AKAP19: variants seen among roughly 807,000 people sequenced by gnomAD.
AKAP19 encodes the protein A-kinase anchoring protein 19, also known as small A-kinase anchoring protein.
chr2:190,144,186 G>GAAAAGA, the AKAP19 span, among the ~76,000 whole-genome samples: 43 of 145,406 alleles, frequency 3.0e-4, no homozygotes, highest in Non-Finnish European at 4.8e-4. Flanking sequence ...GAAAAGAAAA[G>GAAAAGA]AAAAAAAATA....
chr2:190,032,458 A>G, the AKAP19 span, among the ~76,000 whole-genome samples: 2 of 152,130 alleles, frequency 1.3e-5, no homozygotes, highest in Non-Finnish European at 2.9e-5. Flanking sequence ...TATAGTTCCT[A>G]TTTGACACAT....
the AKAP19 span, among the ~76,000 whole-genome samples, chr2:190,094,356 G>T: frequency 6.6e-6 from 1 of 152,158 alleles, no homozygotes; most frequent in Non-Finnish European, 1.5e-5. Flanking sequence ...AGTCCTATGA[G>T]GCTGATACTG....
chr2:189,935,711 G>T, the AKAP19 span, among the ~76,000 whole-genome samples: 8 of 152,014 alleles, frequency 5.3e-5, no homozygotes, highest in Non-Finnish European at 7.4e-5. Context: ...CATGATTTTT[G>T]CATGAAGAGA....
chr2:190,180,431 AG>A, the AKAP19 span: 1 of 977,200 alleles, frequency 1.0e-6, no homozygotes, highest in South Asian at 4.7e-5. This position sits in a 1 kb window ranked among gnomAD's most constrained non-coding sequence, Gnocchi z 6.8. Flanking sequence ...TTCGCAGCCC[AG>A]GGGGCCGAGA....
At chr2:190,123,629 C>T in the AKAP19 span, among the ~76,000 whole-genome samples, 3 of 152,280 alleles carry the variant, frequency 2.0e-5, no homozygotes, top group East Asian at 3.9e-4. Flanking sequence ...CTTCTCTGAT[C>T]GCTCAGGATT....
At chr2:189,996,909 G>A in the AKAP19 span, among the ~76,000 whole-genome samples, 1 of 152,162 alleles carries the variant, frequency 6.6e-6, no homozygotes, top group East Asian at 1.9e-4. Context: ...CTGGGCTGGT[G>A]TTGGGGAATG....
chr2:190,015,016 T>C, the AKAP19 span, among the ~76,000 whole-genome samples: 1 of 152,162 alleles, frequency 6.6e-6, no homozygotes, highest in Admixed American at 6.5e-5. Flanking sequence ...CCCAGCTGCT[T>C]TCACAGGCTG....
At chr2:189,988,133 C>A in the AKAP19 span, among the ~76,000 whole-genome samples, 1 of 151,956 alleles carries the variant, frequency 6.6e-6, no homozygotes, top group Non-Finnish European at 1.5e-5. Context: ...GTTGGCAGGT[C>A]CAGGTGGGGC....
chr2:190,145,920 G>C, the AKAP19 span, among the ~76,000 whole-genome samples: 4 of 149,262 alleles, frequency 2.7e-5, no homozygotes, highest in African/African-American at 4.9e-5. Flanking sequence ...AAAGGTAAAT[G>C]CATCTGAAAT....
At chr2:190,160,830 C>T in the AKAP19 span, among the ~76,000 whole-genome samples, 4 of 152,020 alleles carry the variant, frequency 2.6e-5, no homozygotes, top group Admixed American at 2.0e-4. Flanking sequence ...ATAAGAATTG[C>T]ATGGATAAGT....
At chr2:190,004,662 A>C in the AKAP19 span, among the ~76,000 whole-genome samples, 1 of 151,262 alleles carries the variant, frequency 6.6e-6, no homozygotes, top group Non-Finnish European at 1.5e-5. Context: ...ATCTATCATT[A>C]TAATCATTTT....
chr2:190,118,648 C>T, the AKAP19 span, among the ~76,000 whole-genome samples: 1 of 152,158 alleles, frequency 6.6e-6, no homozygotes, highest in African/African-American at 2.4e-5. Context: ...GCAGAAAAGG[C>T]CTGTGACAAA....
At chr2:189,975,764 G>C in the AKAP19 span, among the ~76,000 whole-genome samples, 4 of 152,012 alleles carry the variant, frequency 2.6e-5, no homozygotes, top group Non-Finnish European at 5.9e-5. Flanking sequence ...CTTTCTTCCA[G>C]TTGATCGAAT....
chr2:190,129,729 A>T, the AKAP19 span, among the ~76,000 whole-genome samples: 1 of 152,088 alleles, frequency 6.6e-6, no homozygotes, highest in Admixed American at 6.5e-5. Flanking sequence ...GTCTTGTGTA[A>T]GTCACCATGA....
chr2:190,009,190 G>A, the AKAP19 span, among the ~76,000 whole-genome samples: 1 of 152,174 alleles, frequency 6.6e-6, no homozygotes, highest in Non-Finnish European at 1.5e-5. Context: ...GTAAGGCCTT[G>A]TAGAGGACTT....
the AKAP19 span, among the ~76,000 whole-genome samples, chr2:189,986,938 G>C: frequency 2.5e-4 from 38 of 152,082 alleles, no homozygotes; most frequent in Non-Finnish European, 5.1e-4. Context: ...GAATGAGAAA[G>C]AAGGAGACAG....
chr2:190,035,904 G>A, the AKAP19 span, among the ~76,000 whole-genome samples: 1 of 152,134 alleles, frequency 6.6e-6, no homozygotes, highest in Non-Finnish European at 1.5e-5. Context: ...GTGGATGTAT[G>A]TATTTATTTT....
At chr2:190,094,211 T>A in the AKAP19 span, among the ~76,000 whole-genome samples, 1 of 152,172 alleles carries the variant, frequency 6.6e-6, no homozygotes, top group Admixed American at 6.5e-5. Flanking sequence ...TTTGTAGGGA[T>A]TTTCTAGGAC....
chr2:190,063,247 A>C, the AKAP19 span, among the ~76,000 whole-genome samples: 1 of 152,094 alleles, frequency 6.6e-6, no homozygotes. Context: ...ACTAGTTGAG[A>C]ATTTTCATCT....
Sources: allele counts gnomAD v4.1 joint callset (sites outside exome capture counted in the v4.1 genomes callset), GRCh38; gene constraint gnomAD v4.1.1; non-coding constraint Gnocchi (gnomAD v3.1); transcripts MANE v1.5; gene names NCBI Gene and HGNC (gene_info 2026-07-23, HGNC 2026-07-21).